LETM1: variants seen among roughly 807,000 people sequenced by gnomAD.
LETM1 encodes mitochondrial proton/calcium exchanger protein.
Under a neutral mutation model 74.5 loss-of-function variants are expected in LETM1, and 50 were observed. The observed-to-expected ratio is 0.67, with a 90% CI of 0.53 to 0.85. LETM1 has a LOEUF of 0.85. LETM1 is among the 40% of genes least tolerant of loss of function. LETM1 has a pLI of 0.00. For missense variants in LETM1, 824 were observed against 967.8 expected (o/e 0.85, Z 1.97); for synonymous variants, 446 against 407.1 (o/e 1.10, Z -1.15).
intron 6 of LETM1, among the ~76,000 whole-genome samples, 175 bp downstream of exon 6, chr4:1,832,567 GAA>G (rs1348939383): frequency 6.6e-6 from 1 of 152,170 alleles, no homozygotes; most frequent in Non-Finnish European, 1.5e-5. Flanking sequence ...AGGTGCCAGA[GAA>G]AAGACATCCA....
In LETM1 at chr4:1,822,309, C is replaced by T. The variant is rs777813839; in HGVS notation, c.1480G>A (p.Asp494Asn). ...GCTACCACACGTTCGGGCTCAAAAT[C>T]CTTCTGAAAGGCAAGGCGACACCAG... ...ELQKRSEVAK[D>N]FEPERVVAAP... The change falls in exon 10 of 14, where the codon GAT becomes AAT. Residue 494 changes from aspartate (D) to asparagine (N), a missense_variant. Around this residue, in one of 4 missense-constraint regions of LETM1, gnomAD observed 172 missense variants for 170.7 expected, o/e 1.01. Transcript: ENST00000302787. 1 of 1,496,410 alleles carries T rather than the reference C, an allele frequency of 6.7e-7. No individual in the cohort carries two copies. Among genetic ancestry groups the T allele is most frequent in the Non-Finnish European group, 9.0e-7 (1 of 1,114,982 alleles). 92.7% of individuals were successfully genotyped at this position (1,496,410 alleles called of 1,614,324 possible).
intron 6 of LETM1, among the ~76,000 whole-genome samples, chr4:1,829,352 C>A (rs1478447841): frequency 2.0e-5 from 3 of 150,078 alleles, no homozygotes; most frequent in African/African-American, 7.4e-5. Flanking sequence ...GAGGGCTGAC[C>A]CCCCCACCTC....
rs1394230776 is a variant in LETM1, at chr4:1,823,697, G to A, written c.1279C>T (p.Leu427Phe). The A allele has an allele frequency of 1.5e-5, 25 of 1,613,866 alleles. No homozygotes were observed. The highest frequency in any genetic ancestry group is 1.9e-5 in the Non-Finnish European group (23 of 1,179,964). The change falls in exon 8 of 14, where the codon CTC (leucine) becomes TTC (phenylalanine). Residue 427 changes from leucine (L) to phenylalanine (F), a missense_variant. Coordinates refer to ENST00000302787, the MANE Select transcript of LETM1 (RefSeq NM_012318.3). ...LSRAMYLPDT[L>F]SPADQLKSTL... Reference sequence around the variant, plus strand: ...GACTTGAGCTGGTCGGCTGGAGAGAGGGTGTCCGGGAGGTACATGGCCCGG... The same window carrying A: ...GACTTGAGCTGGTCGGCTGGAGAGAAGGTGTCCGGGAGGTACATGGCCCGG...
Position 1,812,292 on chromosome 4 carries a change from G to T in LETM1, c.*2132C>A, listed in dbSNP as rs1391969526. ...AGGCAGAAGAATCGCTTGAACCCGG[G>T]AGGTGGAGCTTGCAGTGAGCCGAGA... On this transcript the variant is annotated 3_prime_UTR_variant, in exon 14 of 14. Transcript: ENST00000302787. The T allele has an allele frequency of 1.3e-5, 2 of 150,826 alleles. No individual in the cohort carries two copies. The highest frequency in any genetic ancestry group is 4.9e-5 in the African/African-American group (2 of 40,898). 9.3% of individuals were successfully genotyped at this position (150,826 alleles called of 1,614,324 possible).
intron 5 of LETM1, chr4:1,833,303 CAA>C: frequency 3.4e-6 from 1 of 293,642 alleles, no homozygotes; most frequent in Non-Finnish European, 6.6e-6. Context: ...TACCCGACCT[CAA>C]GTCACCTGCC....
intron 13 of LETM1, among the ~76,000 whole-genome samples, chr4:1,815,045 C>G (rs1711514515): frequency 2.0e-5 from 3 of 152,250 alleles, no homozygotes; most frequent in Non-Finnish European, 4.4e-5. Flanking sequence ...TAACCTGATG[C>G]ATGCACCGGG....
rs115330093 is a variant in LETM1 at position 1,831,039 on chromosome 4, C to T, written c.1080+1705G>A. 2.8e-3 allele frequency among the ~76,000 whole-genome samples: 428 copies of T among 152,284 alleles called. 1 individual carries two copies. Among genetic ancestry groups the T allele is most frequent in the African/African-American group, 9.8e-3 (407 of 41,556 alleles). ...CAGCTTTCATGGGCCAACCACAAAC[C>T]CTAACGTCTGTGTTTCCCTTCCTGC... On this transcript the variant is annotated intron_variant, in intron 6 of 13. Coordinates refer to ENST00000302787, the MANE Select transcript of LETM1 (RefSeq NM_012318.3).
intron 2 of LETM1, among the ~76,000 whole-genome samples, chr4:1,843,849 G>A (rs1334535689): frequency 3.3e-5 from 5 of 152,174 alleles, no homozygotes; most frequent in African/African-American, 1.2e-4. Flanking sequence ...AAGGCGTGCC[G>A]AGAGCCGAGC....
intron 1 of LETM1, among the ~76,000 whole-genome samples, chr4:1,850,955 GA>G (rs1713051122): frequency 6.8e-6 from 1 of 145,998 alleles, no homozygotes; most frequent in East Asian, 2.0e-4. Flanking sequence ...AAAAAAAAAA[GA>G]GAAGAACCAC....
At chr4:1,821,229 A>G (rs1371991775) in intron 10 of LETM1, among the ~76,000 whole-genome samples, 1 of 150,772 alleles carries the variant, frequency 6.6e-6, no homozygotes, top group African/African-American at 2.4e-5. Flanking sequence ...AGTAGCTGGG[A>G]CTACAGGTGC....
At chr4:1,824,988 A>C (rs1007797949) in intron 7 of LETM1, among the ~76,000 whole-genome samples, 1 of 152,256 alleles carries the variant, frequency 6.6e-6, no homozygotes, top group Non-Finnish European at 1.5e-5. Context: ...ACTGCCAACA[A>C]GGGCATGCCA....
intron 7 of LETM1, 77 bp from the exon 8 acceptor site, chr4:1,823,852 C>G: frequency 6.8e-7 from 1 of 1,467,580 alleles, no homozygotes; most frequent in Non-Finnish European, 9.2e-7. Flanking sequence ...CCCATCTCAT[C>G]ACCAGAATAG....
At chr4:1,852,763 G>A (rs911234437) in intron 1 of LETM1, among the ~76,000 whole-genome samples, 3 of 152,174 alleles carry the variant, frequency 2.0e-5, no homozygotes, top group Admixed American at 6.5e-5. Context: ...AACATCAGCT[G>A]GCAGGAGGAT....
intron 10 of LETM1, among the ~76,000 whole-genome samples, chr4:1,820,604 G>C (rs772537953): frequency 5.3e-5 from 8 of 152,244 alleles, no homozygotes; most frequent in Non-Finnish European, 1.0e-4. Context: ...TGAGAAAGCT[G>C]CCTGCATGTG....
chr4:1,823,241 T>A, intron 8 of LETM1, 110 bp from the exon 9 acceptor site: 2 of 1,352,234 alleles, frequency 1.5e-6, no homozygotes, highest in Non-Finnish European at 2.0e-6. Context: ...CACCTGGGCT[T>A]CACACACACA....
chr4:1,851,755 T>C (rs1713078007), intron 1 of LETM1, among the ~76,000 whole-genome samples: 1 of 152,188 alleles, frequency 6.6e-6, no homozygotes, highest in Non-Finnish European at 1.5e-5. Flanking sequence ...CCTCCACCCC[T>C]GCCCCGGCCA....
intron 5 of LETM1, 105 bp from the exon 6 acceptor site, chr4:1,833,052 T>A: frequency 2.2e-6 from 2 of 930,102 alleles, no homozygotes; most frequent in Non-Finnish European, 3.4e-6. Context: ...CCTCAGGGAC[T>A]CAAACCACTG....
At position 1,849,295 on chromosome 4, in the gene LETM1, C is replaced by T. The variant is rs538121820; in HGVS notation, c.83-86G>A. 249 of 948,330 alleles carry T rather than the reference C, an allele frequency of 2.6e-4. 1 individual carries two copies. The East Asian group carries it at 5.3e-3, about 20-fold the overall frequency. The allele number at this position is 948,330 out of a possible 1,614,324, so 58.7% of individuals were successfully genotyped here. The stretch of plus-strand genomic sequence containing the variant: ...TTTTTGTTGTTGGTTTTTGGAGTTT[C>T]GCTCTTGCGCCCAGGCTAGAGTGCA... On this transcript the variant is annotated intron_variant, in intron 1 of 13. Transcript: ENST00000302787.
chr4:1,854,309 A>G (rs1244351730), intron 1 of LETM1, among the ~76,000 whole-genome samples: 1 of 150,660 alleles, frequency 6.6e-6, no homozygotes, highest in Admixed American at 6.6e-5. Flanking sequence ...GTGAAACCCC[A>G]TCTCTACTAA....
Sources: gnomAD v4.1 joint callset for allele counts (sites outside exome capture counted in the v4.1 genomes callset) on GRCh38, gnomAD v4.1.1 for gene constraint, gnomAD v4.1.1 regional missense constraint, MANE v1.5 for transcripts, NCBI Gene and HGNC (gene_info 2026-07-23, HGNC 2026-07-21) for gene names.